Variants in APBB2 observed in about 807,000 individuals in gnomAD.
The protein encoded by APBB2 is amyloid beta precursor protein binding family B member 2.
APBB2 carries 38 observed loss-of-function variants against 82.5 expected under a neutral mutation model. The ratio of observed to expected loss-of-function variants is 0.46; its 90% CI spans 0.36 to 0.60. The LOEUF (loss-of-function observed/expected upper bound fraction) is 0.60, where lower values mean the gene tolerates loss of function less well. Among genes scored for constraint, APBB2 ranks in the 20% least tolerant of loss-of-function variants. APBB2 has a pLI of 0.00. For synonymous variants in APBB2, 341 were observed against 368.2 expected, an observed-to-expected ratio of 0.93 and a Z score of 0.85; for missense variants, 772 against 972.3, an observed-to-expected ratio of 0.79 and a Z score of 2.74.
chr4:41,077,030 A>G (rs998093557), intron 3 of APBB2, among the ~76,000 whole-genome samples: 2 of 151,034 alleles, frequency 1.3e-5, no homozygotes, highest in Non-Finnish European at 2.9e-5. Context: ...TTTGAGACAC[A>G]GTCTTGCTCT....
intron 4 of APBB2, among the ~76,000 whole-genome samples, chr4:41,035,726 A>G (rs1490919144): frequency 6.6e-6 from 1 of 152,244 alleles, no homozygotes; most frequent in Non-Finnish European, 1.5e-5. Context: ...AGTGAGGATC[A>G]GAAAGTTAGG....
chr4:41,013,754 G>T lies in APBB2; in HGVS notation c.664C>A (p.Gln222Lys). The T allele has an allele frequency of 6.2e-7, 1 of 1,614,174 alleles. No individual in the cohort carries two copies. The highest frequency in any genetic ancestry group is 1.1e-5 in the South Asian group (1 of 91,072). Residue 222 changes from glutamine to lysine, a missense_variant, in exon 6 of 18, where the codon CAA becomes AAA. By Grantham distance (53) the Gln-to-Lys change is moderately conservative. Coordinates refer to ENST00000508593, the MANE Select transcript of APBB2 (RefSeq NM_004307.2). Reference protein sequence around the residue: ...NRPQSSPEDGQVATVSSSPET... With the variant: ...NRPQSSPEDGKVATVSSSPET... ...GGGCTGGATGACACTGTGGCTACTTGGCCGTCTTCAGGGCTGGACTGGGGT... is the reference window on the plus strand; with the variant it reads ...GGGCTGGATGACACTGTGGCTACTTTGCCGTCTTCAGGGCTGGACTGGGGT...
At chr4:41,043,162 T>C (rs1303865611) in intron 4 of APBB2, among the ~76,000 whole-genome samples, 1 of 152,190 alleles carries the variant, frequency 6.6e-6, no homozygotes, top group Non-Finnish European at 1.5e-5. Context: ...TATTAGAATA[T>C]GCTGTGACAA....
chr4:40,893,633 T>C (rs1461792077), intron 10 of APBB2, among the ~76,000 whole-genome samples: 2 of 152,230 alleles, frequency 1.3e-5, no homozygotes, highest in Admixed American at 6.5e-5. Context: ...AATATCTTTT[T>C]GCCTGATGTG....
At chr4:41,165,353 A>T (rs1766236144) in intron 1 of APBB2, among the ~76,000 whole-genome samples, 1 of 152,168 alleles carries the variant, frequency 6.6e-6, no homozygotes, top group Admixed American at 6.5e-5. Flanking sequence ...ACCCACAAGG[A>T]GTCAGAGGCC....
At chr4:41,103,777 T>C (rs1746232592) in intron 2 of APBB2, among the ~76,000 whole-genome samples, 1 of 152,146 alleles carries the variant, frequency 6.6e-6, no homozygotes, top group Admixed American at 6.5e-5. Context: ...ATCCAGCCAA[T>C]AGAATGAAGG....
chr4:40,971,415 G>A (rs371509855), intron 6 of APBB2, among the ~76,000 whole-genome samples: 3 of 152,016 alleles, frequency 2.0e-5, no homozygotes, highest in East Asian at 1.9e-4. Context: ...TTATTCATTC[G>A]AATAAAGGAC....
chr4:41,200,281 C>T (rs1462459318), intron 1 of APBB2, among the ~76,000 whole-genome samples: 1 of 152,142 alleles, frequency 6.6e-6, no homozygotes, highest in Non-Finnish European at 1.5e-5. Context: ...AATCAGCTTT[C>T]TTGTATTCTA....
At position 41,127,033 on chromosome 4, in the gene APBB2, A is replaced by G. The variant is rs1754602793; in HGVS notation, c.-261+15954T>C. ...ACTAACATGGCAAGGTTCTATTTCCATTTATTCTTACCAGTGCCATGAGGC... is the reference window on the plus strand; with the variant it reads ...ACTAACATGGCAAGGTTCTATTTCCGTTTATTCTTACCAGTGCCATGAGGC... On this transcript the variant is annotated intron_variant, in intron 2 of 17. Transcript: ENST00000508593. This position sits in a 1 kb window ranked among gnomAD's most constrained non-coding sequence, Gnocchi z 4.8. 6.6e-6 allele frequency among the ~76,000 whole-genome samples: 1 copy of G among 152,166 alleles called. No individual in the cohort carries two copies. Among genetic ancestry groups the G allele is most frequent in the Non-Finnish European group, 1.5e-5 (1 of 68,026 alleles).
At chr4:40,909,530 A>G (rs1247720611) in intron 10 of APBB2, among the ~76,000 whole-genome samples, 1 of 152,218 alleles carries the variant, frequency 6.6e-6, no homozygotes, top group African/African-American at 2.4e-5. Flanking sequence ...AGTTAATTGC[A>G]TTAGTCATTT....
At chr4:41,125,984 T>C (rs773231630) in intron 2 of APBB2, among the ~76,000 whole-genome samples, 48 of 152,084 alleles carry the variant, frequency 3.2e-4, no homozygotes, top group Non-Finnish European at 5.6e-4. Flanking sequence ...AGGACTCCAA[T>C]CACAGAAAGT....
intron 6 of APBB2, among the ~76,000 whole-genome samples, chr4:41,010,308 C>G (rs1307137836): frequency 6.6e-6 from 1 of 152,158 alleles, no homozygotes; most frequent in Non-Finnish European, 1.5e-5. Flanking sequence ...CTATCCTCAG[C>G]AACTTATCAA....
intron 10 of APBB2, among the ~76,000 whole-genome samples, chr4:40,905,451 CCA>C (rs1776456510): frequency 6.6e-6 from 1 of 152,192 alleles, no homozygotes; most frequent in Admixed American, 6.5e-5. Context: ...AGGCGAGTTC[CCA>C]GGATATAAAA....
At chr4:41,181,683 C>T (rs1771397340) in intron 1 of APBB2, among the ~76,000 whole-genome samples, 3 of 152,126 alleles carry the variant, frequency 2.0e-5, no homozygotes, top group Non-Finnish European at 4.4e-5. Flanking sequence ...CAGTGGCTCA[C>T]GCCTATAATT....
At chr4:40,884,449 CA>C (rs1243756462) in intron 12 of APBB2, among the ~76,000 whole-genome samples, 1 of 152,098 alleles carries the variant, frequency 6.6e-6, no homozygotes, top group Non-Finnish European at 1.5e-5. Context: ...GGCATGAAAA[CA>C]AGAACATAAA....
At chr4:41,138,671 AAC>A (rs1758264166) in intron 2 of APBB2, among the ~76,000 whole-genome samples, 1 of 152,216 alleles carries the variant, frequency 6.6e-6, no homozygotes, top group Non-Finnish European at 1.5e-5. Context: ...AAAGCTACAT[AAC>A]AGAATGATTT....
intron 6 of APBB2, among the ~76,000 whole-genome samples, chr4:41,011,471 C>T (rs915888018): frequency 1.3e-5 from 2 of 152,150 alleles, no homozygotes; most frequent in African/African-American, 2.4e-5. Flanking sequence ...TCGCCTGTCA[C>T]CCAGGCTAGA....
intron 6 of APBB2, among the ~76,000 whole-genome samples, chr4:40,978,391 T>C (rs945289489): frequency 5.9e-5 from 9 of 152,142 alleles, no homozygotes; most frequent in African/African-American, 2.2e-4. Context: ...TCAAGACAAA[T>C]GCATCTACCC....
intron 7 of APBB2, among the ~76,000 whole-genome samples, chr4:40,937,511 C>G (rs919389625): frequency 2.6e-5 from 4 of 152,108 alleles, no homozygotes; most frequent in Non-Finnish European, 5.9e-5. Context: ...TGGCAAATGT[C>G]CAACAATCAC....
Sources: allele counts gnomAD v4.1 joint callset (sites outside exome capture counted in the v4.1 genomes callset), GRCh38; gene constraint gnomAD v4.1.1; non-coding constraint Gnocchi (gnomAD v3.1); transcripts MANE v1.5; gene names NCBI Gene and HGNC (gene_info 2026-07-23, HGNC 2026-07-21).